ARHGAP26: variants seen among roughly 807,000 people sequenced by gnomAD.
ARHGAP26 encodes rho GTPase-activating protein 26.
ARHGAP26 carries 38 observed loss-of-function variants against 104.8 expected under a neutral mutation model. The observed-to-expected ratio is 0.36, with a 90% CI of 0.28 to 0.48. The LOEUF (loss-of-function observed/expected upper bound fraction) is 0.48. Ranked by LOEUF, ARHGAP26 falls within the 20% of genes least tolerant of loss-of-function variation. The pLI, the probability that ARHGAP26 is intolerant of heterozygous loss-of-function variation, is 0.99. For synonymous variants in ARHGAP26, 341 were observed against 340.0 expected (o/e 1.00, Z -0.03); for missense variants, 704 against 947.9 (o/e 0.74, Z 3.38).
intron 1 of ARHGAP26, among the ~76,000 whole-genome samples, chr5:142,862,400 G>A (rs1026289318): frequency 6.6e-6 from 1 of 152,240 alleles, no homozygotes; most frequent in African/African-American, 2.4e-5. Flanking sequence ...GGCTGGAAAT[G>A]TATTATCAGC....
At chr5:143,035,792 C>A (rs572347253) in intron 12 of ARHGAP26, among the ~76,000 whole-genome samples, 14 of 151,720 alleles carry the variant, frequency 9.2e-5, no homozygotes, top group Non-Finnish European at 1.6e-4. Context: ...AAAACTTAGC[C>A]AGATGTGGTG....
chr5:142,993,817 TTTTTC>T (rs143838874), intron 11 of ARHGAP26, among the ~76,000 whole-genome samples: 129,794 of 149,920 alleles, frequency 0.87, 56,288 homozygotes, highest in Admixed American at 0.91. Context: ...AGCTAATTTC[TTTTTC>T]TTTTCTTTTC....
rs10610584 is a variant in ARHGAP26, at chr5:143,168,445, C to CTTTTTTTTTTTTTTTTTT, written c.1988+21078_1988+21095dup. 1.9e-4 allele frequency: 5 copies of CTTTTTTTTTTTTTTTTTT among 25,708 alleles called. 1 individual carries two copies. Among genetic ancestry groups the CTTTTTTTTTTTTTTTTTT allele is most frequent in the African/African-American group, 2.9e-4 (2 of 6,852 alleles). 1.6% of individuals were successfully genotyped at this position (25,708 alleles called of 1,614,324 possible). A position where few individuals can be genotyped will look rare whatever the true frequency, so the allele number is the denominator to read the frequency against. On this transcript the variant is annotated intron_variant, in intron 20 of 22. Transcript: ENST00000645722. ...CAAATAGACCTCACCATCTGGAACT[C>CTTTTTTTTTTTTTTTTTT]TTTTTTTTTTTTTTTTTTTTTTTTT...
chr5:142,968,483 C>T (rs1771751062), intron 11 of ARHGAP26, among the ~76,000 whole-genome samples: 1 of 152,174 alleles, frequency 6.6e-6, no homozygotes, highest in South Asian at 2.1e-4. Context: ...TATGCTCACT[C>T]TCAAAATGCA....
intron 18 of ARHGAP26, among the ~76,000 whole-genome samples, chr5:143,129,900 G>C (rs1022826207): frequency 1.3e-5 from 2 of 152,176 alleles, no homozygotes; most frequent in African/African-American, 4.8e-5. Flanking sequence ...AGACTCAGAA[G>C]GGTTAATTAT....
At chr5:143,146,792 G>T (rs1374921876) in intron 19 of ARHGAP26, among the ~76,000 whole-genome samples, 1 of 152,214 alleles carries the variant, frequency 6.6e-6, no homozygotes, top group East Asian at 1.9e-4. Context: ...GGTGGGACAT[G>T]GCCTGATCAA....
intron 17 of ARHGAP26, among the ~76,000 whole-genome samples, chr5:143,071,885 A>C (rs1160037398): frequency 2.0e-5 from 3 of 152,220 alleles, no homozygotes; most frequent in Non-Finnish European, 2.9e-5. Context: ...AGCCTGGGCA[A>C]CAGAACGAGA....
At chr5:143,098,198 C>A (rs888597501) in intron 17 of ARHGAP26, among the ~76,000 whole-genome samples, 1 of 152,100 alleles carries the variant, frequency 6.6e-6, no homozygotes, top group Non-Finnish European at 1.5e-5. Flanking sequence ...ACATATTTGA[C>A]CATAAGTTCT....
intron 18 of ARHGAP26, among the ~76,000 whole-genome samples, chr5:143,132,119 C>A (rs905524687): frequency 6.6e-6 from 1 of 151,994 alleles, no homozygotes. Context: ...AATTTTCAGT[C>A]CTCTAGGGAA....
chr5:143,046,874 A>G (rs2150188328), intron 14 of ARHGAP26, among the ~76,000 whole-genome samples: 1 of 152,354 alleles, frequency 6.6e-6, no homozygotes, highest in African/African-American at 2.4e-5. Flanking sequence ...ACAGTTCTAT[A>G]TACTAGAGTT....
At chr5:143,102,434 C>T (rs1168009967) in intron 17 of ARHGAP26, among the ~76,000 whole-genome samples, 1 of 152,218 alleles carries the variant, frequency 6.6e-6, no homozygotes, top group African/African-American at 2.4e-5. Context: ...TTTGACTCTC[C>T]TAGAACAAGT....
chr5:143,101,263 G>C (rs1223635871), intron 17 of ARHGAP26, among the ~76,000 whole-genome samples: 1 of 152,150 alleles, frequency 6.6e-6, no homozygotes, highest in African/African-American at 2.4e-5. Context: ...TTAGAGATGA[G>C]GGCAAAACAG....
At chr5:143,084,993 C>T (rs1790348746) in intron 17 of ARHGAP26, among the ~76,000 whole-genome samples, 2 of 143,886 alleles carry the variant, frequency 1.4e-5, no homozygotes, top group African/African-American at 5.2e-5. Context: ...TACAGTGAGC[C>T]GAGATCGCGC....
chr5:143,026,187 C>T (rs1781033909), intron 12 of ARHGAP26, among the ~76,000 whole-genome samples: 1 of 152,162 alleles, frequency 6.6e-6, no homozygotes, highest in Non-Finnish European at 1.5e-5. Context: ...CTGTCGGCTC[C>T]TTGTGTTTTC....
At position 143,000,433 on chromosome 5, in the gene ARHGAP26, C is replaced by T. The variant is rs569201013; in HGVS notation, c.1108-13647C>T. ...TATATTCAAACATTAAATTTCAACT[C>T]AGAAGTAAAAAGGACTAAAGGTATT... is the stretch of plus-strand genomic sequence containing the variant. On this transcript the variant is annotated intron_variant, in intron 11 of 22. Coordinates refer to ENST00000645722, the MANE Select transcript of ARHGAP26 (RefSeq NM_001135608.3). Among the ~76,000 whole-genome samples, 3 of 152,298 alleles carry T rather than the reference C, an allele frequency of 2.0e-5. No individual in the cohort carries two copies. In the South Asian group the frequency reaches 6.2e-4, roughly 32 times the overall value.
At chr5:143,026,097 G>A (rs1781012347) in intron 12 of ARHGAP26, among the ~76,000 whole-genome samples, 1 of 152,206 alleles carries the variant, frequency 6.6e-6, no homozygotes, top group African/African-American at 2.4e-5. Context: ...TCCCACTGCA[G>A]GGGCCTGAAC....
chr5:143,084,230 T>C (rs1052447525), intron 17 of ARHGAP26, among the ~76,000 whole-genome samples: 15 of 152,210 alleles, frequency 9.9e-5, no homozygotes, highest in Non-Finnish European at 1.6e-4. Flanking sequence ...TAAAACTTAA[T>C]CCTAGTTTAA....
intron 1 of ARHGAP26, among the ~76,000 whole-genome samples, chr5:142,792,028 C>T (rs1759949149): frequency 6.6e-6 from 1 of 151,498 alleles, no homozygotes; most frequent in Admixed American, 6.6e-5. Flanking sequence ...CTTTATAAGC[C>T]TCCTAATCAA....
chr5:142,907,629 T>G (rs1335103938), intron 8 of ARHGAP26, 75 bp from the exon 9 acceptor site: 2 of 927,926 alleles, frequency 2.2e-6, no homozygotes, highest in Non-Finnish European at 3.3e-6. Context: ...AATTATGGGT[T>G]GTGGTTTTTC....
Sources: gnomAD v4.1 joint callset for allele counts (sites outside exome capture counted in the v4.1 genomes callset) on GRCh38, gnomAD v4.1.1 for gene constraint, MANE v1.5 for transcripts, NCBI Gene and HGNC (gene_info 2026-07-23, HGNC 2026-07-21) for gene names.